Variants in GNGT2 observed in about 807,000 individuals in gnomAD.
GNGT2 encodes guanine nucleotide-binding protein G(I)/G(S)/G(O) subunit gamma-T2.
A neutral mutation model predicts 3.5 loss-of-function variants in GNGT2; 4 were observed. The ratio of observed to expected loss-of-function variants is 1.13; its 90% CI spans 0.56 to 2.59. The LOEUF is 2.59. Ranked by LOEUF, GNGT2 falls within the 30% of genes most tolerant of loss-of-function variation. GNGT2 has a pLI of 0.02. For synonymous variants in GNGT2, 31 were observed against 29.5 expected (o/e 1.05, Z -0.17); for missense variants, 64 against 81.2 (o/e 0.79, Z 0.82).
At chr17:49,209,149 C>T (rs2043134470) in intron 1 of GNGT2, 195 bp from the exon 2 acceptor site, 1 of 152,466 alleles carries the variant, frequency 6.6e-6, no homozygotes. Flanking sequence ...GGTGACCTCA[C>T]TAGCTTAGAG....
At position 49,206,684 on chromosome 17, in the gene GNGT2, T is replaced by C; in HGVS notation, c.*73A>G. The C allele has an allele frequency of 1.4e-6, 2 of 1,423,830 alleles. No homozygotes were observed. The highest frequency in any genetic ancestry group is 1.9e-6 in the Non-Finnish European group (2 of 1,040,512). 88.2% of individuals were successfully genotyped at this position (1,423,830 alleles called of 1,614,324 possible). A position where few individuals can be genotyped will look rare whatever the true frequency, so the allele number is the denominator to read the frequency against. ...TGATGAAGAGAAGGTGACAGTTCAC[T>C]GGCTCCCTGGGGGTCTAGGAGACTT... On this transcript the variant is annotated 3_prime_UTR_variant, in exon 4 of 4. Coordinates refer to ENST00000507680, the MANE Select transcript of GNGT2 (RefSeq NM_001198754.2).
intron 2 of GNGT2, 80 bp from the exon 3 acceptor site, chr17:49,207,524 C>T: frequency 1.3e-6 from 1 of 791,170 alleles, no homozygotes; most frequent in Non-Finnish European, 2.3e-6. Flanking sequence ...CTAGCATCTT[C>T]CCTGCCATAT....
intron 2 of GNGT2, 140 bp from the exon 3 acceptor site, chr17:49,207,584 C>T: frequency 1.6e-6 from 1 of 633,888 alleles, no homozygotes; most frequent in Non-Finnish European, 2.8e-6. Flanking sequence ...TCCATCCTTG[C>T]ATGCCCTGCT....
At chr17:49,206,992 A>G (rs2043112473) in intron 3 of GNGT2, 110 bp from the exon 4 acceptor site, 1 of 1,150,142 alleles carries the variant, frequency 8.7e-7, no homozygotes, top group Admixed American at 1.9e-5. Context: ...GGGGCCAAAG[A>G]GGAGAAAGAC....
intron 2 of GNGT2, among the ~76,000 whole-genome samples, chr17:49,208,564 G>A (rs566589070): frequency 6.6e-6 from 1 of 151,868 alleles, no homozygotes; most frequent in African/African-American, 2.4e-5. Context: ...GTGGCCTTAG[G>A]GAAGTCACTC....
chr17:49,206,423 C>T lies in GNGT2; in HGVS notation c.*334G>A. 1 of 252,780 alleles carries T rather than the reference C, an allele frequency of 4.0e-6. No homozygotes were observed. 15.7% of individuals were successfully genotyped at this position (252,780 alleles called of 1,614,324 possible). On this transcript the variant is annotated 3_prime_UTR_variant, in exon 4 of 4. Coordinates refer to ENST00000507680, the MANE Select transcript of GNGT2 (RefSeq NM_001198754.2). ...GTAGAGGGAAAAGACGGAGGGGTTC[C>T]CAGGTGGTGTAAGTGCTTCCTAAGG...
intron 3 of GNGT2, 152 bp from the exon 4 acceptor site, chr17:49,207,034 G>T: frequency 1.2e-6 from 1 of 830,942 alleles, no homozygotes; most frequent in Non-Finnish European, 2.0e-6. Flanking sequence ...GGGGGTGTGA[G>T]TTCCTTGATC....
intron 2 of GNGT2, 100 bp from the exon 3 acceptor site, chr17:49,207,544 C>T (rs2043118029): frequency 5.5e-6 from 4 of 728,534 alleles, no homozygotes; most frequent in East Asian, 2.5e-5. Flanking sequence ...TCCCTCAGTT[C>T]AGGCCCCTCA....
Position 49,206,594 on chromosome 17 carries a change from G to T in GNGT2, c.*163C>A. The T allele has an allele frequency of 1.6e-6, 1 of 638,892 alleles. No homozygotes were observed. The highest frequency in any genetic ancestry group is 2.1e-5 in the South Asian group (1 of 47,490). 39.6% of individuals were successfully genotyped at this position (638,892 alleles called of 1,614,324 possible). The stretch of plus-strand genomic sequence containing the variant: ...AGGTGGAGGAAATAATGGGAGAAAA[G>T]AGTTGAAGGTGGGAGTGGGGAATGG... On this transcript the variant is annotated 3_prime_UTR_variant, in exon 4 of 4. Coordinates refer to ENST00000507680, the MANE Select transcript of GNGT2 (RefSeq NM_001198754.2).
chr17:49,206,715 T>C lies in GNGT2; in HGVS notation c.*42A>G, dbSNP rs1234374960. On this transcript the variant is annotated 3_prime_UTR_variant, in exon 4 of 4. Coordinates refer to ENST00000507680, the MANE Select transcript of GNGT2 (RefSeq NM_001198754.2). ...CCTGGGGGTCTAGGAGACTTGGGCT[T>C]GGCTGAAGAGGGACAGACACTCAGG... is the stretch of plus-strand genomic sequence containing the variant. The C allele has an allele frequency of 3.8e-6, 6 of 1,580,374 alleles. No homozygotes were observed. The African/African-American group carries it at 6.9e-5, about 18-fold the overall frequency.
Position 49,206,706 on chromosome 17 carries a change from A to ACTTGG in GNGT2, c.*46_*50dup. 1.3e-6 allele frequency: 2 copies of ACTTGG among 1,566,552 alleles called. No individual in the cohort carries two copies. The highest frequency in any genetic ancestry group is 1.7e-6 in the Non-Finnish European group (2 of 1,155,848). The stretch of plus-strand genomic sequence containing the variant: ...CACTGGCTCCCTGGGGGTCTAGGAG[A>ACTTGG]CTTGGGCTTGGCTGAAGAGGGACAG... On this transcript the variant is annotated 3_prime_UTR_variant, in exon 4 of 4. Coordinates refer to ENST00000507680, the MANE Select transcript of GNGT2 (RefSeq NM_001198754.2).
At chr17:49,207,706 A>G (rs1221635725) in intron 2 of GNGT2, among the ~76,000 whole-genome samples, 1 of 152,186 alleles carries the variant, frequency 6.6e-6, no homozygotes, top group Non-Finnish European at 1.5e-5. Context: ...GTCTGTCTAT[A>G]GAGGCATCTG....
rs959835532 is a variant in GNGT2 at position 49,208,874 on chromosome 17, A to G, written c.-52T>C. The G allele has an allele frequency of 6.6e-6, 1 of 152,216 alleles. No homozygotes were observed. Among genetic ancestry groups the G allele is most frequent in the African/African-American group, 2.4e-5 (1 of 41,396 alleles). The allele number at this position is 152,216 out of a possible 1,614,324, so 9.4% of individuals were successfully genotyped here. The stretch of plus-strand genomic sequence containing the variant: ...CACAGAAGAGCACACTCTCCAAGTC[A>G]CTTGTCCTGGACTCAGGTAAGATAG... On this transcript the variant is annotated 5_prime_UTR_variant, in exon 2 of 4. Transcript: ENST00000507680.
rs528654306 is a variant in GNGT2, at chr17:49,206,395, A to T, written c.*362T>A. Reference sequence around the variant, plus strand: ...GTGGAAATGCTTTATTCCTAGGATGAGAGTAGAGGGAAAAGACGGAGGGGT... The same window carrying T: ...GTGGAAATGCTTTATTCCTAGGATGTGAGTAGAGGGAAAAGACGGAGGGGT... On this transcript the variant is annotated 3_prime_UTR_variant, in exon 4 of 4. Transcript: ENST00000507680. The T allele has an allele frequency of 9.7e-4, 207 of 212,568 alleles. 1 individual carries two copies. The highest frequency in any genetic ancestry group is 6.6e-3 in the Middle Eastern group (4 of 608). 13.2% of individuals were successfully genotyped at this position (212,568 alleles called of 1,614,324 possible).
chr17:49,207,075 G>A (rs914597844), intron 3 of GNGT2, among the ~76,000 whole-genome samples, 193 bp from the exon 4 acceptor site: 1 of 152,070 alleles, frequency 6.6e-6, no homozygotes, highest in African/African-American at 2.4e-5. Flanking sequence ...GACCTTCATG[G>A]GCTGCTTGGC....
chr17:49,207,419 C>T lies in GNGT2; in HGVS notation c.4G>A (p.Ala2Thr), dbSNP rs768930785. The T allele has an allele frequency of 1.9e-6, 3 of 1,608,492 alleles. No individual in the cohort carries two copies. Among genetic ancestry groups the T allele is most frequent in the East Asian group, 4.5e-5 (2 of 44,862 alleles). Residue 2 changes from alanine (A) to threonine (T), a missense_variant, in exon 3 of 4, where the codon GCC becomes ACC. Coordinates refer to ENST00000507680, the MANE Select transcript of GNGT2 (RefSeq NM_001198754.2). The stretch of plus-strand genomic sequence containing the variant: ...AGGTCCTTCTCGCTGAGATCCTGGG[C>T]CATCCTGCCCTAGACAGACCTGATC... Reference protein sequence around the residue: MAQDLSEKDLLK... With the variant: MTQDLSEKDLLK...
chr17:49,207,556 C>A, intron 2 of GNGT2, 112 bp from the exon 3 acceptor site: 1 of 694,404 alleles, frequency 1.4e-6, no homozygotes. Flanking sequence ...GGCCCCTCAT[C>A]ATTCAACAGA....
Position 49,210,515 on chromosome 17 carries a change from G to A in GNGT2, c.-204C>T. The A allele has an allele frequency of 4.2e-6, 2 of 474,504 alleles. No individual in the cohort carries two copies. 29.4% of individuals were successfully genotyped at this position (474,504 alleles called of 1,614,324 possible). A position where few individuals can be genotyped will look rare whatever the true frequency, so the allele number is the denominator to read the frequency against. On this transcript the variant is annotated 5_prime_UTR_variant, in exon 1 of 4. Coordinates refer to ENST00000507680, the MANE Select transcript of GNGT2 (RefSeq NM_001198754.2). The surrounding 1 kb of genome is among the most constrained non-coding windows in gnomAD (Gnocchi z 4.2). ...GGCCCCTGGCTTCCCCCTTCCTCTG[G>A]GCAGGGGACAGAGAGACACAGGCTC...
chr17:49,210,455 C>T lies in GNGT2; in HGVS notation c.-144G>A, dbSNP rs1158972721. ...ACAGCTGCCCCGACCTTGGCTTCCT[C>T]TGCTGGGTGGGATTGGGGGCTGGGC... On this transcript the variant is annotated 5_prime_UTR_variant, in exon 1 of 4. Transcript: ENST00000507680. This position sits in a 1 kb window ranked among gnomAD's most constrained non-coding sequence, Gnocchi z 4.2. 3.3e-5 allele frequency: 12 copies of T among 365,574 alleles called. No homozygotes were observed. In the East Asian group the frequency reaches 4.8e-4, roughly 15 times the overall value. 22.6% of individuals were successfully genotyped at this position (365,574 alleles called of 1,614,324 possible).
Sources: allele counts gnomAD v4.1 joint callset (sites outside exome capture counted in the v4.1 genomes callset), GRCh38; gene constraint gnomAD v4.1.1; non-coding constraint Gnocchi (gnomAD v3.1); transcripts MANE v1.5; gene names NCBI Gene and HGNC (gene_info 2026-07-23, HGNC 2026-07-21).